The following CAMK1D variants were observed in gnomAD, a reference collection of about 807,000 sequenced individuals.
CAMK1D encodes calcium/calmodulin-dependent protein kinase type 1D.
CAMK1D carries 9 observed loss-of-function variants against 47.7 expected under a neutral mutation model. The observed-to-expected ratio is 0.19, with a 90% confidence interval of 0.11 to 0.33. The LOEUF (loss-of-function observed/expected upper bound fraction) is 0.33. CAMK1D is among the 10% of genes least tolerant of loss of function. CAMK1D has a pLI of 1.00. For missense variants in CAMK1D, 291 were observed against 488.7 expected, an observed-to-expected ratio of 0.60 and a Z score of 3.81; for synonymous variants, 184 against 184.9, an observed-to-expected ratio of 0.99 and a Z score of 0.04.
intron 1 of CAMK1D, among the ~76,000 whole-genome samples, chr10:12,353,096 A>G (rs2131829687): frequency 6.6e-6 from 1 of 152,240 alleles, no homozygotes; most frequent in East Asian, 1.9e-4. Context: ...ACCCTGGGCC[A>G]TGACCGGTGA....
intron 3 of CAMK1D, among the ~76,000 whole-genome samples, chr10:12,685,963 C>T (rs1014774688): frequency 3.3e-5 from 5 of 152,200 alleles, no homozygotes; most frequent in Non-Finnish European, 5.9e-5. Context: ...ACTACAGCTG[C>T]CCCCTCTGCT....
chr10:12,673,430 T>TTC (rs1840695790), intron 3 of CAMK1D, among the ~76,000 whole-genome samples: 1 of 152,220 alleles, frequency 6.6e-6, no homozygotes, highest in South Asian at 2.1e-4. Context: ...TATTTCATTT[T>TTC]TCCAGTTGCT....
At chr10:12,557,602 A>G (rs11257887) in intron 2 of CAMK1D, among the ~76,000 whole-genome samples, 168 of 151,924 alleles carry the variant, frequency 1.1e-3, no homozygotes, top group South Asian at 3.5e-3. Context: ...GATGATTTTC[A>G]TGACTAAGTC....
At chr10:12,394,134 A>G (rs1838850832) in intron 1 of CAMK1D, among the ~76,000 whole-genome samples, 1 of 152,180 alleles carries the variant, frequency 6.6e-6, no homozygotes, top group South Asian at 2.1e-4. Flanking sequence ...TGGCTCACAG[A>G]ATCTAGGGAG....
At chr10:12,676,971 G>GT (rs368063552) in intron 3 of CAMK1D, among the ~76,000 whole-genome samples, 10 of 152,234 alleles carry the variant, frequency 6.6e-5, no homozygotes, top group African/African-American at 1.9e-4. Context: ...AATGTTGTGA[G>GT]TTTTTTACCA....
intron 3 of CAMK1D, among the ~76,000 whole-genome samples, chr10:12,732,995 A>G (rs2130817069): frequency 6.6e-6 from 1 of 152,294 alleles, no homozygotes; most frequent in South Asian, 2.1e-4. Context: ...GGGTTAAATA[A>G]GATAATGTAC....
chr10:12,489,708 G>A (rs1271294840), intron 1 of CAMK1D, among the ~76,000 whole-genome samples: 1 of 152,150 alleles, frequency 6.6e-6, no homozygotes, highest in Non-Finnish European at 1.5e-5. Flanking sequence ...CTTTGCCTTC[G>A]TGGTAGTTAT....
chr10:12,683,753 TG>T (rs1832543036), intron 3 of CAMK1D, among the ~76,000 whole-genome samples: 1 of 150,320 alleles, frequency 6.7e-6, no homozygotes, highest in African/African-American at 2.4e-5. Context: ...TGTGTGTGTG[TG>T]TGTGTGTGTG....
chr10:12,551,154 G>A (rs901675237), intron 1 of CAMK1D, among the ~76,000 whole-genome samples: 1 of 152,244 alleles, frequency 6.6e-6, no homozygotes, highest in Non-Finnish European at 1.5e-5. Flanking sequence ...GGGCAAGCAA[G>A]CAAAGCTTCA....
chr10:12,395,440 C>A (rs1022090258), intron 1 of CAMK1D, among the ~76,000 whole-genome samples: 1 of 152,010 alleles, frequency 6.6e-6, no homozygotes, highest in African/African-American at 2.4e-5. Flanking sequence ...CCTCATTAGC[C>A]CACAAAAGAC....
intron 3 of CAMK1D, among the ~76,000 whole-genome samples, chr10:12,722,923 A>G (rs552058500): frequency 3.3e-5 from 5 of 152,336 alleles, no homozygotes; most frequent in Admixed American, 1.3e-4. Context: ...GTTCATTAGT[A>G]TATCTCTAAC....
rs992949862 is a variant in CAMK1D at position 12,683,231 on chromosome 10, T to A, written c.299+16421T>A. ...CCTCCCGAGTAGCTGGGACTACAGG[T>A]GCGCACCACCACGCCCAGCTGATTT... On this transcript the variant is annotated intron_variant, in intron 3 of 10. Coordinates refer to ENST00000619168, the MANE Select transcript of CAMK1D (RefSeq NM_153498.4). Among the ~76,000 whole-genome samples, 8 of 151,890 alleles carry A rather than the reference T, an allele frequency of 5.3e-5. 1 individual carries two copies. Among genetic ancestry groups the A allele is most frequent in the African/African-American group, 1.9e-4 (8 of 41,324 alleles).
intron 3 of CAMK1D, among the ~76,000 whole-genome samples, chr10:12,701,611 T>A (rs1460683176): frequency 6.6e-6 from 1 of 152,208 alleles, no homozygotes; most frequent in Non-Finnish European, 1.5e-5. Context: ...CACCCCAGGC[T>A]TTCTACATCA....
rs574140395 is a variant in CAMK1D at position 12,800,170 on chromosome 10, C to T, written c.641+8937C>T. ...GTTTGCAAGGAGAAAGCTCTGGAAA[C>T]GCACACAATCAAATATACGGTTACT... On this transcript the variant is annotated intron_variant, in intron 6 of 10. Transcript: ENST00000619168. Among the ~76,000 whole-genome samples, 80 of 152,284 alleles carry T rather than the reference C, an allele frequency of 5.3e-4. No individual in the cohort carries two copies. In the South Asian group the frequency reaches 6.0e-3, roughly 11 times the overall value.
At chr10:12,528,052 A>C (rs1588595258) in intron 1 of CAMK1D, among the ~76,000 whole-genome samples, 1 of 152,242 alleles carries the variant, frequency 6.6e-6, no homozygotes, top group East Asian at 1.9e-4. Flanking sequence ...TGTTCTGAGC[A>C]TTATGTTTAT....
At chr10:12,639,821 A>G (rs1471135032) in intron 2 of CAMK1D, among the ~76,000 whole-genome samples, 1 of 152,162 alleles carries the variant, frequency 6.6e-6, no homozygotes, top group Non-Finnish European at 1.5e-5. Flanking sequence ...TTAACAATCA[A>G]ATGACTAAGT....
intron 3 of CAMK1D, among the ~76,000 whole-genome samples, chr10:12,691,276 T>C (rs1286507864): frequency 2.7e-5 from 4 of 150,678 alleles, no homozygotes; most frequent in East Asian, 1.9e-4. Context: ...TCGGTATCAA[T>C]TGGCACTTGT....
intron 6 of CAMK1D, among the ~76,000 whole-genome samples, chr10:12,806,374 A>C (rs763817510): frequency 5.3e-5 from 8 of 152,092 alleles, no homozygotes; most frequent in Middle Eastern, 3.2e-3. Context: ...GGTTTTATTA[A>C]TGTAAGCTTC....
intron 2 of CAMK1D, among the ~76,000 whole-genome samples, chr10:12,561,981 G>T (rs1836958778): frequency 6.6e-6 from 1 of 152,128 alleles, no homozygotes; most frequent in South Asian, 2.1e-4. Flanking sequence ...CCTGCCTAGG[G>T]TTTCTGCTTC....
Sources: gnomAD v4.1 joint callset for allele counts (sites outside exome capture counted in the v4.1 genomes callset) on GRCh38, gnomAD v4.1.1 for gene constraint, MANE v1.5 for transcripts, NCBI Gene and HGNC (gene_info 2026-07-23, HGNC 2026-07-21) for gene names.